Variants in CDH13 observed in about 807,000 individuals in gnomAD.
CDH13 encodes the protein cadherin-13.
CDH13 carries 24 observed loss-of-function variants against 63.8 expected under a neutral mutation model. The observed-to-expected ratio is 0.38, with a 90% CI of 0.27 to 0.53. CDH13 has a LOEUF of 0.53. CDH13 is among the 20% of genes least tolerant of loss of function. CDH13 has a pLI of 0.85. For synonymous variants in CDH13, 503 were observed against 355.3 expected (o/e 1.42, Z -4.67); for missense variants, 1,049 against 903.1 (o/e 1.16, Z -2.07).
At chr16:83,261,494 T>G (rs558185379) in intron 5 of CDH13, among the ~76,000 whole-genome samples, 3 of 151,964 alleles carry the variant, frequency 2.0e-5, no homozygotes, top group African/African-American at 7.3e-5. Flanking sequence ...CAGGAATGAG[T>G]GGGGCTAGGT....
At chr16:83,237,896 C>T (rs977143013) in intron 5 of CDH13, among the ~76,000 whole-genome samples, 3 of 152,132 alleles carry the variant, frequency 2.0e-5, no homozygotes, top group African/African-American at 7.2e-5. Flanking sequence ...TTATATATGT[C>T]TTATGCAGTG....
intron 5 of CDH13, among the ~76,000 whole-genome samples, chr16:83,313,782 G>A (rs1345051948): frequency 1.3e-5 from 2 of 151,984 alleles, no homozygotes; most frequent in Non-Finnish European, 2.9e-5. Context: ...AAACAATAGT[G>A]TCTGGAATTG....
At chr16:83,103,752 A>G (rs1184865491) in intron 3 of CDH13, among the ~76,000 whole-genome samples, 1 of 152,224 alleles carries the variant, frequency 6.6e-6, no homozygotes, top group Admixed American at 6.5e-5. Flanking sequence ...GAAATTGTGT[A>G]TCAAAGGGGG....
chr16:82,814,125 A>T (rs111587880), intron 1 of CDH13, among the ~76,000 whole-genome samples: 1 of 152,172 alleles, frequency 6.6e-6, no homozygotes, highest in African/African-American at 2.4e-5. Context: ...GTGATATAAT[A>T]ATAAATACAT....
intron 1 of CDH13, among the ~76,000 whole-genome samples, chr16:82,779,796 G>C (rs2035666377): frequency 6.6e-6 from 1 of 152,166 alleles, no homozygotes; most frequent in Non-Finnish European, 1.5e-5. Flanking sequence ...GTGGTAGAAA[G>C]ATTTTGGAAG....
At chr16:82,799,904 T>C (rs1324249888) in intron 1 of CDH13, among the ~76,000 whole-genome samples, 1 of 152,184 alleles carries the variant, frequency 6.6e-6, no homozygotes, top group African/African-American at 2.4e-5. Context: ...GCTGTCAGAA[T>C]TGGACAACGT....
At chr16:82,671,895 C>A (rs748983147) in intron 1 of CDH13, among the ~76,000 whole-genome samples, 1 of 152,040 alleles carries the variant, frequency 6.6e-6, no homozygotes, top group South Asian at 2.1e-4. Context: ...GAGAAGTGCC[C>A]CCTGCTGGCC....
At chr16:83,493,126 T>C (rs774005229) in intron 7 of CDH13, among the ~76,000 whole-genome samples, 3 of 152,202 alleles carry the variant, frequency 2.0e-5, no homozygotes, top group African/African-American at 4.8e-5. Context: ...CATTGGCTTA[T>C]TGAAAAAATT....
intron 7 of CDH13, among the ~76,000 whole-genome samples, chr16:83,584,885 G>A (rs1274788461): frequency 6.6e-6 from 1 of 150,782 alleles, no homozygotes. Flanking sequence ...ACGTCACATG[G>A]CAAAAACAGA....
At chr16:83,366,570 T>G (rs1310323756) in intron 6 of CDH13, among the ~76,000 whole-genome samples, 2 of 152,186 alleles carry the variant, frequency 1.3e-5, no homozygotes, top group Admixed American at 1.3e-4. Context: ...TCCCTGCGAT[T>G]GGGATAAGCT....
chr16:82,964,672 C>A (rs1429174272), intron 2 of CDH13, among the ~76,000 whole-genome samples: 3 of 152,160 alleles, frequency 2.0e-5, no homozygotes, highest in South Asian at 2.1e-4. Context: ...TGTAAAGCTT[C>A]CAGTGGTTAA....
intron 5 of CDH13, among the ~76,000 whole-genome samples, chr16:83,243,602 A>G (rs1190628197): frequency 6.6e-6 from 1 of 152,152 alleles, no homozygotes; most frequent in Non-Finnish European, 1.5e-5. Flanking sequence ...TGGGAGATTC[A>G]CTTGGCAATT....
At chr16:82,804,312 C>CACACACACACAT (rs58046063) in intron 1 of CDH13, among the ~76,000 whole-genome samples, 7,752 of 148,254 alleles carry the variant, frequency 0.052, 267 homozygotes, top group Non-Finnish European at 0.063. Context: ...CACACACACA[C>CACACACACACAT]GCACACACAT....
rs527460754 is a variant in CDH13, at chr16:82,759,323, C to T, written c.46-99039C>T. ...ATTCTCTGCTCCAAAATCCTTGCCTCAGGCTTTGCTTTTGGGATTATTCAA... is the reference window on the plus strand; with the variant it reads ...ATTCTCTGCTCCAAAATCCTTGCCTTAGGCTTTGCTTTTGGGATTATTCAA... On this transcript the variant is annotated intron_variant, in intron 1 of 13. Coordinates refer to ENST00000567109, the MANE Select transcript of CDH13 (RefSeq NM_001257.5). 1.6e-4 allele frequency among the ~76,000 whole-genome samples: 25 copies of T among 152,276 alleles called. No homozygotes were observed. The East Asian group carries it at 4.6e-3, about 28-fold the overall frequency.
chr16:82,984,568 A>G (rs1303339609), intron 2 of CDH13, among the ~76,000 whole-genome samples: 1 of 152,188 alleles, frequency 6.6e-6, no homozygotes, highest in Non-Finnish European at 1.5e-5. Context: ...ATTCATTTTC[A>G]ACTTGCTCTG....
Position 82,915,078 on chromosome 16 carries a change from C to G in CDH13, c.157+56605C>G, listed in dbSNP as rs181380923. ...TAATATCCTGTTGCCTTTTTGAAAT[C>G]CAGTGATGAAATGTAACCCTGAGAC... is the stretch of plus-strand genomic sequence containing the variant. On this transcript the variant is annotated intron_variant, in intron 2 of 13. Transcript: ENST00000567109. Among the ~76,000 whole-genome samples, 452 of 152,280 alleles carry G rather than the reference C, an allele frequency of 3.0e-3. 4 individuals carry two copies. The highest frequency in any genetic ancestry group is 4.8e-3 in the Non-Finnish European group (326 of 68,020).
chr16:83,244,025 A>G (rs8045031), intron 5 of CDH13, among the ~76,000 whole-genome samples: 114,213 of 152,036 alleles, frequency 0.75, 43,361 homozygotes, highest in East Asian at 0.96. Context: ...GAAACGAAGA[A>G]TTCTAACGTC....
rs180842886 is a variant in CDH13 at position 83,334,748 on chromosome 16, A to C, written c.637-10114A>C. On this transcript the variant is annotated intron_variant, in intron 5 of 13. Coordinates refer to ENST00000567109, the MANE Select transcript of CDH13 (RefSeq NM_001257.5). The stretch of plus-strand genomic sequence containing the variant: ...CAACCTTAATTTGGGAGGTGGAGAG[A>C]GTATGAGAATTGTAGACCGAAACTT... Among the ~76,000 whole-genome samples, 285 of 152,220 alleles carry C rather than the reference A, an allele frequency of 1.9e-3. 1 individual carries two copies. The highest frequency in any genetic ancestry group is 6.8e-3 in the Middle Eastern group (2 of 294).
At chr16:83,084,777 A>T (rs1019402905) in intron 3 of CDH13, among the ~76,000 whole-genome samples, 2 of 152,108 alleles carry the variant, frequency 1.3e-5, no homozygotes, top group East Asian at 1.9e-4. Context: ...AATCCCAGCT[A>T]CTCAGGAGGC....
Sources: gnomAD v4.1 joint callset for allele counts (sites outside exome capture counted in the v4.1 genomes callset) on GRCh38, gnomAD v4.1.1 for gene constraint, MANE v1.5 for transcripts, NCBI Gene and HGNC (gene_info 2026-07-23, HGNC 2026-07-21) for gene names.